LRRC37A2: variants seen among roughly 807,000 people sequenced by gnomAD.
LRRC37A2 encodes the protein leucine-rich repeat-containing protein 37A2.
Under a neutral mutation model 68.8 loss-of-function variants are expected in LRRC37A2, and 9 were observed. The ratio of observed to expected loss-of-function variants is 0.13; its 90% CI spans 0.08 to 0.23. LRRC37A2 has a LOEUF of 0.23. Among genes scored for constraint, LRRC37A2 ranks in the 10% least tolerant of loss-of-function variants. The probability of loss-of-function intolerance (pLI) is 1.00; values close to 1 mark genes in which losing one functional copy is unlikely to be tolerated. For missense variants in LRRC37A2, 168 were observed against 950.4 expected, an observed-to-expected ratio of 0.18 and a Z score of 10.82; for synonymous variants, 63 against 367.6, an observed-to-expected ratio of 0.17 and a Z score of 9.48.
At chr17:47,036,330 G>T in the LRRC37A2 span, among the ~76,000 whole-genome samples, 2 of 151,884 alleles carry the variant, frequency 1.3e-5, no homozygotes, top group African/African-American at 4.8e-5. Context: ...GCTGCCTTCA[G>T]CTAGTAATAC....
the LRRC37A2 span, among the ~76,000 whole-genome samples, chr17:46,599,927 A>G: frequency 7.4e-5 from 9 of 121,358 alleles, 1 homozygote; most frequent in African/African-American, 3.2e-4. Flanking sequence ...TCTTCTTTGT[A>G]TTGCTCCTTT....
At chr17:47,029,693 C>T in the LRRC37A2 span, among the ~76,000 whole-genome samples, 8 of 152,182 alleles carry the variant, frequency 5.3e-5, no homozygotes, top group South Asian at 2.1e-4. Flanking sequence ...GGTCCCTCCA[C>T]GAAGAGGTTT....
At chr17:46,774,731 A>G in the LRRC37A2 span, among the ~76,000 whole-genome samples, 1 of 152,222 alleles carries the variant, frequency 6.6e-6, no homozygotes, top group African/African-American at 2.4e-5. Context: ...AACAGAAAGA[A>G]TGACCTTATG....
chr17:46,748,501 T>G, the LRRC37A2 span, among the ~76,000 whole-genome samples: 1 of 152,112 alleles, frequency 6.6e-6, no homozygotes, highest in Non-Finnish European at 1.5e-5. Context: ...ACATGCAAGG[T>G]CTTTAAAATT....
At chr17:46,956,851 G>C in the LRRC37A2 span, among the ~76,000 whole-genome samples, 1 of 152,176 alleles carries the variant, frequency 6.6e-6, no homozygotes, top group Non-Finnish European at 1.5e-5. Context: ...CTAAATCCTT[G>C]AAAGAGCAGC....
At chr17:46,832,050 CG>C in the LRRC37A2 span, among the ~76,000 whole-genome samples, 1 of 152,172 alleles carries the variant, frequency 6.6e-6, no homozygotes, top group South Asian at 2.1e-4. Flanking sequence ...GTGAGGCCCG[CG>C]TGGTTTTGGG....
chr17:46,934,679 T>C, the LRRC37A2 span, among the ~76,000 whole-genome samples: 1 of 152,186 alleles, frequency 6.6e-6, no homozygotes. Context: ...TGGAACCAGC[T>C]AGGTTAGTGA....
the LRRC37A2 span, among the ~76,000 whole-genome samples, chr17:46,758,140 T>A: frequency 2.0e-5 from 3 of 152,250 alleles, no homozygotes; most frequent in African/African-American, 7.2e-5. Flanking sequence ...TCAGTGAGAT[T>A]GCTTCACATG....
chr17:46,771,780 G>T, the LRRC37A2 span, among the ~76,000 whole-genome samples: 4 of 142,792 alleles, frequency 2.8e-5, no homozygotes, highest in East Asian at 2.1e-4. Flanking sequence ...GCCGCGCCGC[G>T]CCGCGCCGAA....
At chr17:46,749,840 A>G in the LRRC37A2 span, 1 of 1,614,194 alleles carries the variant, frequency 6.2e-7, no homozygotes. Flanking sequence ...GAAATGCTTA[A>G]CGCTTTCAGC....
At chr17:46,731,419 G>T in the LRRC37A2 span, among the ~76,000 whole-genome samples, 1 of 152,132 alleles carries the variant, frequency 6.6e-6, no homozygotes, top group South Asian at 2.1e-4. Flanking sequence ...ATTGATTTTG[G>T]TGGTGTTGTG....
chr17:47,011,570 GT>G, the LRRC37A2 span, among the ~76,000 whole-genome samples: 94 of 140,458 alleles, frequency 6.7e-4, no homozygotes, highest in Non-Finnish European at 6.1e-4. Context: ...AAAAAAAGTT[GT>G]TTTTTTTTTT....
At chr17:46,809,520 T>G in the LRRC37A2 span, among the ~76,000 whole-genome samples, 1 of 152,236 alleles carries the variant, frequency 6.6e-6, no homozygotes, top group South Asian at 2.1e-4. Flanking sequence ...CCAGCCGAGC[T>G]GGAGGGAATG....
chr17:47,027,725 G>A, the LRRC37A2 span: 2 of 634,116 alleles, frequency 3.2e-6, no homozygotes, highest in Non-Finnish European at 5.6e-6. Context: ...AATTTTACCA[G>A]TAGAAAGCTA....
the LRRC37A2 span, among the ~76,000 whole-genome samples, chr17:46,836,952 C>CT: frequency 6.6e-6 from 1 of 151,588 alleles, no homozygotes; most frequent in African/African-American, 2.4e-5. Flanking sequence ...TTCTTTTTTT[C>CT]TTTTTTTTGA....
At chr17:46,754,676 C>T in the LRRC37A2 span, among the ~76,000 whole-genome samples, 1,204 of 152,272 alleles carry the variant, frequency 7.9e-3, 19 homozygotes, top group African/African-American at 0.027. Flanking sequence ...GAACGAAGCA[C>T]CTGAAACAAA....
chr17:46,726,240 A>G, the LRRC37A2 span, among the ~76,000 whole-genome samples: 1 of 152,208 alleles, frequency 6.6e-6, no homozygotes, highest in Non-Finnish European at 1.5e-5. Context: ...TCATTACACT[A>G]AAGTCCTGCT....
chr17:46,824,454 G>A, the LRRC37A2 span, among the ~76,000 whole-genome samples: 1 of 152,276 alleles, frequency 6.6e-6, no homozygotes, highest in African/African-American at 2.4e-5. Context: ...TCACCATGTT[G>A]GCCAGGCTGG....
At chr17:46,850,905 ATTT>A in the LRRC37A2 span, among the ~76,000 whole-genome samples, 1 of 152,072 alleles carries the variant, frequency 6.6e-6, no homozygotes, top group African/African-American at 2.4e-5. Flanking sequence ...CATCAGCAGC[ATTT>A]TGTCAAAAGC....
Sources: allele counts gnomAD v4.1 joint callset (sites outside exome capture counted in the v4.1 genomes callset), GRCh38; gene constraint gnomAD v4.1.1; transcripts MANE v1.5; gene names NCBI Gene and HGNC (gene_info 2026-07-23, HGNC 2026-07-21).